GARNL3: variants seen among roughly 807,000 people sequenced by gnomAD.
GARNL3 encodes GTPase activating Rap/RanGAP domain like 3, also known as GTPase-activating Rap/Ran-GAP domain-like protein 3.
Under a neutral mutation model 125.0 loss-of-function variants are expected in GARNL3, and 63 were observed. The observed-to-expected ratio is 0.50, with a 90% CI of 0.41 to 0.62. The LOEUF is 0.62. Among genes scored for constraint, GARNL3 ranks in the 20% least tolerant of loss-of-function variants. GARNL3 has a pLI of 0.00. For missense variants in GARNL3, 994 were observed against 1,244.0 expected, an observed-to-expected ratio of 0.80 and a Z score of 3.02; for synonymous variants, 439 against 457.5, an observed-to-expected ratio of 0.96 and a Z score of 0.52.
chr9:127,261,208 AC>A (rs1348865794), upstream of GARNL3, among the ~76,000 whole-genome samples: 1 of 151,874 alleles, frequency 6.6e-6, no homozygotes, highest in Non-Finnish European at 1.5e-5. Context: ...GTGAGCTGAG[AC>A]TGTGCCATTG....
At chr9:127,279,430 C>T (rs1413365244) in intron 1 of GARNL3, among the ~76,000 whole-genome samples, 1 of 151,884 alleles carries the variant, frequency 6.6e-6, no homozygotes, top group Admixed American at 6.6e-5. Context: ...TTTTTATTTT[C>T]ATTTTGTTTT....
chr9:127,348,717 C>G (rs1830270866), intron 16 of GARNL3, among the ~76,000 whole-genome samples: 1 of 152,256 alleles, frequency 6.6e-6, no homozygotes, highest in African/African-American at 2.4e-5. Flanking sequence ...TGTGAATTCA[C>G]TCTTTTCCTA....
At chr9:127,243,767 G>A (rs1203692844) in intron 2 of GARNL3, among the ~76,000 whole-genome samples, 1 of 152,166 alleles carries the variant, frequency 6.6e-6, no homozygotes, top group Non-Finnish European at 1.5e-5. Flanking sequence ...TAATACATCA[G>A]TAGACTCTAA....
Position 127,313,528 on chromosome 9 carries a change from C to G in GARNL3, c.407C>G (p.Pro136Arg). Residue 136 changes from proline (P) to arginine (R), a missense_variant, in exon 4 of 28, where the codon CCT becomes CGT. Coordinates refer to ENST00000373387, the MANE Select transcript of GARNL3 (RefSeq NM_032293.5). ...TCTGACCAAAACAATCAACGTGTCC[C>G]TCAATACCGTGCAATTCTTTGGAGA... The part of the protein sequence containing the change: ...TLSDQNNQRV[P>R]QYRAILWRKT... The G allele has an allele frequency of 1.9e-6, 3 of 1,613,800 alleles. No homozygotes were observed. Among genetic ancestry groups the G allele is most frequent in the Non-Finnish European group, 2.5e-6 (3 of 1,179,678 alleles).
chr9:127,231,461 T>A (rs2063018551), intron 1 of GARNL3, among the ~76,000 whole-genome samples: 1 of 152,134 alleles, frequency 6.6e-6, no homozygotes, highest in Admixed American at 6.6e-5. Flanking sequence ...TTTTAAAATA[T>A]TTTCTATTGC....
intron 2 of GARNL3, among the ~76,000 whole-genome samples, chr9:127,247,890 C>T (rs977268388): frequency 4.9e-4 from 74 of 152,118 alleles, no homozygotes; most frequent in African/African-American, 1.6e-3. Flanking sequence ...TCTATTTTTT[C>T]GTACTCATTA....
chr9:127,276,807 GC>G (rs1349226655), intron 1 of GARNL3, among the ~76,000 whole-genome samples: 1 of 152,228 alleles, frequency 6.6e-6, no homozygotes, highest in Non-Finnish European at 1.5e-5. Context: ...ATGGCCAGTT[GC>G]TCTTTATTCA....
intron 4 of GARNL3, among the ~76,000 whole-genome samples, chr9:127,314,336 C>G (rs780819160): frequency 2.0e-5 from 3 of 152,162 alleles, no homozygotes; most frequent in Non-Finnish European, 4.4e-5. Context: ...CCAGGTGCTG[C>G]CTGGACTTAA....
intron 21 of GARNL3, chr9:127,362,644 T>C (rs1831073022): frequency 6.6e-6 from 1 of 152,340 alleles, no homozygotes; most frequent in Non-Finnish European, 1.5e-5. Flanking sequence ...AACTAACATG[T>C]ACAGGGACAT....
At chr9:127,287,457 G>A (rs957387355) in intron 1 of GARNL3, among the ~76,000 whole-genome samples, 3 of 152,208 alleles carry the variant, frequency 2.0e-5, no homozygotes, top group Admixed American at 1.3e-4. Flanking sequence ...TCTGTACTGC[G>A]TTAAAAAGAT....
intron 22 of GARNL3, among the ~76,000 whole-genome samples, chr9:127,381,991 C>T (rs1832287646): frequency 6.6e-6 from 1 of 151,290 alleles, no homozygotes; most frequent in South Asian, 2.1e-4. Context: ...TTAGTAACAT[C>T]CATTCTTTAT....
chr9:127,326,232 G>A (rs1282699767), intron 7 of GARNL3, among the ~76,000 whole-genome samples: 8 of 152,110 alleles, frequency 5.3e-5, no homozygotes. Flanking sequence ...TTTCATTTGT[G>A]TGCTTATTAT....
intron 22 of GARNL3, among the ~76,000 whole-genome samples, chr9:127,383,014 C>T (rs758667958): frequency 3.3e-5 from 5 of 152,194 alleles, no homozygotes; most frequent in South Asian, 2.1e-4. Flanking sequence ...ATTCAGCACA[C>T]GGGCTCTGCA....
At chr9:127,326,738 C>G (rs750319482) in intron 7 of GARNL3, among the ~76,000 whole-genome samples, 1 of 152,086 alleles carries the variant, frequency 6.6e-6, no homozygotes, top group Non-Finnish European at 1.5e-5. Context: ...GAGGTGGGGC[C>G]TTGGGAAGTA....
intron 21 of GARNL3, among the ~76,000 whole-genome samples, chr9:127,360,849 C>T (rs1020884139): frequency 2.5e-4 from 38 of 152,206 alleles, no homozygotes; most frequent in African/African-American, 8.9e-4. Context: ...ACAATCCTAG[C>T]TCAAGAGAGG....
intron 22 of GARNL3, among the ~76,000 whole-genome samples, chr9:127,371,087 G>A: frequency 6.6e-6 from 1 of 152,216 alleles, no homozygotes; most frequent in Admixed American, 6.5e-5. Flanking sequence ...CAGAGACACA[G>A]TTGGCACAAT....
chr9:127,391,331 C>CTATTATATATATATAA (rs1832823872), intron 27 of GARNL3, among the ~76,000 whole-genome samples: 1 of 144,134 alleles, frequency 6.9e-6, no homozygotes, highest in Admixed American at 7.0e-5. Flanking sequence ...TATTTAATAT[C>CTATTATATATATATAA]TATTATATAT....
At chr9:127,306,945 A>G (rs1210800492) in intron 2 of GARNL3, among the ~76,000 whole-genome samples, 1 of 152,176 alleles carries the variant, frequency 6.6e-6, no homozygotes, top group African/African-American at 2.4e-5. Flanking sequence ...ATCTAGCAGC[A>G]GGCCTCATAA....
chr9:127,346,551 A>C (rs1466638412), intron 16 of GARNL3, among the ~76,000 whole-genome samples: 2 of 152,212 alleles, frequency 1.3e-5, no homozygotes, highest in African/African-American at 4.8e-5. Flanking sequence ...TATAGATACC[A>C]GATTCCAGTA....
Sources: allele counts gnomAD v4.1 joint callset (sites outside exome capture counted in the v4.1 genomes callset), GRCh38; gene constraint gnomAD v4.1.1; transcripts MANE v1.5; gene names NCBI Gene and HGNC (gene_info 2026-07-23, HGNC 2026-07-21).